FHOD3: variants seen among roughly 807,000 people sequenced by gnomAD.
The protein encoded by FHOD3 is formin homology 2 domain containing 3, also known as FH1/FH2 domain-containing protein 3.
FHOD3 carries 90 observed loss-of-function variants against 173.0 expected under a neutral mutation model. The observed-to-expected ratio is 0.52, with a 90% CI of 0.44 to 0.62. FHOD3 has a LOEUF of 0.62. Among genes scored for constraint, FHOD3 ranks in the 20% least tolerant of loss-of-function variants. The pLI is 0.00. For missense variants in FHOD3, 1,945 were observed against 2,034.7 expected (o/e 0.96, Z 0.85); for synonymous variants, 828 against 823.0 (o/e 1.01, Z -0.10).
intron 6 of FHOD3, among the ~76,000 whole-genome samples, chr18:36,583,659 C>G (rs1314893456): frequency 6.6e-6 from 1 of 152,192 alleles, no homozygotes; most frequent in Non-Finnish European, 1.5e-5. Context: ...CTGCCCCCAG[C>G]TTCTTTGTGA....
rs770189888 is a variant in FHOD3 at position 36,652,643 on chromosome 18, G to C, written c.1360G>C (p.Val454Leu). 1 of 1,535,484 alleles carries C rather than the reference G, an allele frequency of 6.5e-7. No homozygotes were observed. Among genetic ancestry groups the C allele is most frequent in the South Asian group, 1.2e-5 (1 of 84,022 alleles). The change falls in exon 12 of 29, where the codon GTC (valine) becomes CTC (leucine). Residue 454 changes from valine to leucine, a missense_variant. Physicochemically the swap from Val to Leu is conservative, Grantham distance 32 (BLOSUM62 1). Around this residue, in one of 5 missense-constraint regions of FHOD3, gnomAD observed 1,099 missense variants for 1,051.2 expected, o/e 1.05. Transcript: ENST00000590592. ...TCCCAAGAGCTCTGCCCTCCCTGCT[G>C]TCTCGAATGCCAGCTCGCAGGGAAA... ...AAPKSSALPA[V>L]SNASSQGKPL...
At chr18:36,349,927 C>G (rs1020914534) in intron 1 of FHOD3, among the ~76,000 whole-genome samples, 3 of 152,064 alleles carry the variant, frequency 2.0e-5, no homozygotes, top group Non-Finnish European at 2.9e-5. Context: ...CCACCACACC[C>G]GGCTAATTTT....
At chr18:36,692,908 C>T (rs1459389162) in intron 16 of FHOD3, 2 of 382,900 alleles carry the variant, frequency 5.2e-6, no homozygotes, top group East Asian at 1.0e-4. Flanking sequence ...TGCTGTTTTG[C>T]TTATTTACAA....
chr18:36,422,990 T>A (rs2050063189), intron 3 of FHOD3, among the ~76,000 whole-genome samples: 1 of 152,102 alleles, frequency 6.6e-6, no homozygotes, highest in Non-Finnish European at 1.5e-5. Context: ...ACCAGAGTGC[T>A]CCTGTTGTCT....
At chr18:36,355,239 C>T (rs1029243004) in intron 1 of FHOD3, among the ~76,000 whole-genome samples, 18 of 152,112 alleles carry the variant, frequency 1.2e-4, no homozygotes, top group Admixed American at 1.0e-3. Context: ...TGCCAGGTCT[C>T]ATCTGTGCCC....
chr18:36,691,018 G>A (rs1198140224), intron 16 of FHOD3, among the ~76,000 whole-genome samples: 1 of 152,118 alleles, frequency 6.6e-6, no homozygotes, highest in East Asian at 1.9e-4. Flanking sequence ...CTTCAGTGAT[G>A]GCATCTGTGA....
intron 3 of FHOD3, among the ~76,000 whole-genome samples, chr18:36,488,472 AG>A (rs2054301195): frequency 6.6e-6 from 1 of 152,226 alleles, no homozygotes; most frequent in Non-Finnish European, 1.5e-5. Context: ...CCACCTGGTT[AG>A]GAAGACCTGA....
chr18:36,676,890 C>T (rs1196394853), intron 14 of FHOD3, among the ~76,000 whole-genome samples: 2 of 152,150 alleles, frequency 1.3e-5, no homozygotes, highest in African/African-American at 4.8e-5. Flanking sequence ...TCTTTTTGTA[C>T]AATGTATACT....
In FHOD3 at chr18:36,655,711, C is replaced by T. The variant is rs137917989; in HGVS notation, c.1721+2295C>T. 5.6e-3 allele frequency among the ~76,000 whole-genome samples: 838 copies of T among 150,682 alleles called. 10 individuals are homozygous for T. The highest frequency in any genetic ancestry group is 0.019 in the African/African-American group (789 of 40,770). Reference sequence around the variant, plus strand: ...CGATTGAATGGGTTATAATAAAGACCGACCAGTTAGTCATTAAAAAGAACC... The same window carrying T: ...CGATTGAATGGGTTATAATAAAGACTGACCAGTTAGTCATTAAAAAGAACC... On this transcript the variant is annotated intron_variant, in intron 13 of 28. Coordinates refer to ENST00000590592, the MANE Select transcript of FHOD3 (RefSeq NM_001281740.3).
intron 4 of FHOD3, among the ~76,000 whole-genome samples, chr18:36,506,504 G>A (rs2055306676): frequency 6.6e-6 from 1 of 152,162 alleles, no homozygotes; most frequent in African/African-American, 2.4e-5. Context: ...TGACCTCCTT[G>A]TAAATATAAA....
intron 24 of FHOD3, among the ~76,000 whole-genome samples, chr18:36,754,575 C>A (rs75625311): frequency 0.022 from 3,387 of 151,952 alleles, 104 homozygotes; most frequent in African/African-American, 0.077. Flanking sequence ...AAAATATTTA[C>A]TCAGAAAACA....
intron 6 of FHOD3, among the ~76,000 whole-genome samples, chr18:36,580,765 T>C (rs1017252656): frequency 1.1e-4 from 17 of 152,372 alleles, no homozygotes; most frequent in African/African-American, 3.8e-4. Context: ...AGTCTCCTCC[T>C]TAAACATACA....
Position 36,318,048 on chromosome 18 carries a change from ATTTCTGAGGCC to A in FHOD3, c.165+20050_165+20060del, listed in dbSNP as rs1389207877. 2.0e-5 allele frequency among the ~76,000 whole-genome samples: 3 copies of A among 152,204 alleles called. No homozygotes were observed. In the East Asian group the frequency reaches 5.8e-4, roughly 29 times the overall value. On this transcript the variant is annotated intron_variant, in intron 1 of 28. Coordinates refer to ENST00000590592, the MANE Select transcript of FHOD3 (RefSeq NM_001281740.3). ...GATCAGATTCTAGATGTGTGGTGTT[ATTTCTGAGGCC>A]TCTGTTCTGTTCCATTGGTCTATGT...
chr18:36,620,880 C>A (rs965677830), intron 9 of FHOD3, among the ~76,000 whole-genome samples: 2 of 152,158 alleles, frequency 1.3e-5, no homozygotes, highest in African/African-American at 4.8e-5. Context: ...AGGGCAGCAA[C>A]GAAGCCTACA....
At chr18:36,321,821 G>A (rs1293720879) in intron 1 of FHOD3, among the ~76,000 whole-genome samples, 1 of 152,214 alleles carries the variant, frequency 6.6e-6, no homozygotes, top group African/African-American at 2.4e-5. Flanking sequence ...ACAGAGGAGA[G>A]GACTTGCTTT....
rs764109970 is a variant in FHOD3, at chr18:36,718,460, G to C, written c.3162G>C (p.Leu1054Phe). Residue 1054 changes from leucine (L) to phenylalanine (F), a missense_variant, in exon 19 of 29, where the codon TTG becomes TTC. Transcript: ENST00000590592. The part of the protein sequence containing the change: ...IPPPPVPGNL[L>F]VPPPPVFNAP... Reference sequence around the variant, plus strand: ...CCCCTCCTGTCCCTGGTAATTTATTGGTTCCTCCTCCTCCAGTGTTCAACG... The same window carrying C: ...CCCCTCCTGTCCCTGGTAATTTATTCGTTCCTCCTCCTCCAGTGTTCAACG... The C allele has an allele frequency of 6.9e-7, 1 of 1,444,930 alleles. No homozygotes were observed. Among genetic ancestry groups the C allele is most frequent in the African/African-American group, 1.6e-5 (1 of 63,948 alleles). 89.5% of individuals were successfully genotyped at this position (1,444,930 alleles called of 1,614,324 possible).
intron 25 of FHOD3, 72 bp downstream of exon 25, chr18:36,755,383 A>C: frequency 8.9e-6 from 6 of 674,854 alleles, no homozygotes; most frequent in Non-Finnish European, 1.2e-5. Context: ...TCCTCCCCAC[A>C]GTTAAAAGCT....
intron 1 of FHOD3, among the ~76,000 whole-genome samples, chr18:36,336,704 C>T (rs1240755002): frequency 1.4e-5 from 2 of 147,788 alleles, no homozygotes; most frequent in African/African-American, 5.0e-5. Context: ...AAAAAATTAT[C>T]CAGATGTGGT....
intron 3 of FHOD3, among the ~76,000 whole-genome samples, chr18:36,489,262 C>G (rs920572963): frequency 6.6e-6 from 1 of 152,162 alleles, no homozygotes; most frequent in East Asian, 1.9e-4. Flanking sequence ...GTTTAGGAAG[C>G]CTCCTTTCTT....
Sources: gnomAD v4.1 joint callset for allele counts (sites outside exome capture counted in the v4.1 genomes callset) on GRCh38, gnomAD v4.1.1 for gene constraint, gnomAD v4.1.1 regional missense constraint, MANE v1.5 for transcripts, NCBI Gene and HGNC (gene_info 2026-07-23, HGNC 2026-07-21) for gene names.